SPATA3: variants seen among roughly 807,000 people sequenced by gnomAD.
SPATA3 encodes spermatogenesis-associated protein 3.
A neutral mutation model predicts 5.7 loss-of-function variants in SPATA3; 6 were observed. The observed-to-expected ratio is 1.06, with a 90% CI of 0.58 to 2.09. SPATA3 has a LOEUF of 2.09. SPATA3 is among the 30% of genes most tolerant of loss of function. The pLI is 0.00. For synonymous variants in SPATA3, 44 were observed against 48.4 expected, an observed-to-expected ratio of 0.91 and a Z score of 0.37; for missense variants, 155 against 130.4, an observed-to-expected ratio of 1.19 and a Z score of -0.92.
chr2:230,996,800 C>T (rs1169600870), intron 1 of SPATA3, among the ~76,000 whole-genome samples: 2 of 152,136 alleles, frequency 1.3e-5, no homozygotes, highest in Admixed American at 6.5e-5. Context: ...TACTTGCTCA[C>T]TAGGAATCAG....
intron 6 of SPATA3, among the ~76,000 whole-genome samples, chr2:231,017,938 TC>T (rs66518730): frequency 0.28 from 42,156 of 150,658 alleles, 5,963 homozygotes; most frequent in Admixed American, 0.35. Context: ...TTTTTTTTTT[TC>T]TTTTAGACAG....
At chr2:231,019,546 G>C (rs111345654) in intron 6 of SPATA3, among the ~76,000 whole-genome samples, 1,577 of 150,306 alleles carry the variant, frequency 0.01, 66 homozygotes, top group Middle Eastern at 0.02. Context: ...GGATGGTCTC[G>C]ATCTCCTGAC....
At chr2:231,000,627 T>A in intron 2 of SPATA3, 90 bp downstream of exon 2, 1 of 1,228,768 alleles carries the variant, frequency 8.1e-7, no homozygotes, top group Non-Finnish European at 1.1e-6. Flanking sequence ...ATGTATCACT[T>A]CCTCTTGGGA....
chr2:231,013,365 A>G (rs2125122502), intron 5 of SPATA3, among the ~76,000 whole-genome samples: 1 of 152,310 alleles, frequency 6.6e-6, no homozygotes. Flanking sequence ...CCTAAATCAT[A>G]TTTCTATACA....
intron 1 of SPATA3, among the ~76,000 whole-genome samples, chr2:230,997,419 G>C (rs1692169164): frequency 6.6e-6 from 1 of 152,174 alleles, no homozygotes; most frequent in Admixed American, 6.5e-5. Flanking sequence ...TCTCAGATAT[G>C]TCTTTATCAG....
At chr2:231,008,947 G>T (rs114278547), downstream of SPATA3, among the ~76,000 whole-genome samples, 48,663 of 151,566 alleles carry the variant, frequency 0.32, 7,969 homozygotes, top group Non-Finnish European at 0.36. Flanking sequence ...AGGGTGAGCC[G>T]GCCTGTCTCC....
downstream of SPATA3, among the ~76,000 whole-genome samples, chr2:231,006,131 G>A (rs1692615856): frequency 6.6e-6 from 1 of 151,346 alleles, no homozygotes; most frequent in African/African-American, 2.4e-5. Flanking sequence ...GCAGTTGGAG[G>A]TTGCAATGAG....
chr2:231,009,830 G>A (rs1256625176), downstream of SPATA3, among the ~76,000 whole-genome samples: 4 of 152,328 alleles, frequency 2.6e-5, no homozygotes, highest in Admixed American at 1.3e-4. Flanking sequence ...TGTCACCCTC[G>A]GGAGCACTTT....
At chr2:230,998,524 C>T (rs1043870205) in intron 1 of SPATA3, among the ~76,000 whole-genome samples, 3 of 152,174 alleles carry the variant, frequency 2.0e-5, no homozygotes, top group Non-Finnish European at 2.9e-5. Flanking sequence ...GGTGGTGGCT[C>T]GCCAGTGGTT....
chr2:231,001,781 G>A (rs1268695572), intron 2 of SPATA3, among the ~76,000 whole-genome samples: 2 of 152,210 alleles, frequency 1.3e-5, no homozygotes, highest in Admixed American at 6.5e-5. Flanking sequence ...CAGTCGACAT[G>A]GAGAGCTAAG....
At chr2:231,001,397 C>T (rs1692347818) in intron 2 of SPATA3, among the ~76,000 whole-genome samples, 1 of 152,168 alleles carries the variant, frequency 6.6e-6, no homozygotes, top group African/African-American at 2.4e-5. Context: ...CTGAGGCCCC[C>T]CAACCCCCAT....
chr2:231,000,662 C>G (rs879343063), intron 2 of SPATA3, 125 bp downstream of exon 2: 5 of 1,084,076 alleles, frequency 4.6e-6, no homozygotes, highest in Non-Finnish European at 6.1e-6. Flanking sequence ...GAAAGCCTTT[C>G]TTTCCCTCTT....
chr2:230,996,298 C>T, intron 1 of SPATA3: 1 of 1,551,684 alleles, frequency 6.4e-7, no homozygotes, highest in Non-Finnish European at 8.7e-7. Context: ...TCCCAGCATG[C>T]TAGCTCCAAT....
intron 6 of SPATA3, among the ~76,000 whole-genome samples, chr2:231,015,208 G>T (rs948661397): frequency 2.0e-5 from 3 of 151,850 alleles, no homozygotes; most frequent in African/African-American, 4.8e-5. Context: ...CACCTGAGTG[G>T]CTGGGACTAT....
downstream of SPATA3, chr2:231,006,628 A>ATCC (rs1692635492): frequency 6.6e-6 from 1 of 152,224 alleles, no homozygotes; most frequent in South Asian, 2.1e-4. Flanking sequence ...GGGGAGGGCG[A>ATCC]TGGAGGTGCA....
downstream of SPATA3, among the ~76,000 whole-genome samples, chr2:231,005,822 T>A (rs1345645846): frequency 6.6e-6 from 1 of 152,162 alleles, no homozygotes; most frequent in Non-Finnish European, 1.5e-5. Context: ...CCCCTAATTT[T>A]ACTGACTTTT....
At chr2:231,015,685 C>T (rs529689298) in intron 6 of SPATA3, among the ~76,000 whole-genome samples, 1 of 152,352 alleles carries the variant, frequency 6.6e-6, no homozygotes, top group African/African-American at 2.4e-5. Context: ...GGCCCCTAGG[C>T]ACCCTCGGCC....
intron 6 of SPATA3, among the ~76,000 whole-genome samples, chr2:231,018,963 C>CTT (rs1693002265): frequency 2.4e-5 from 2 of 83,398 alleles, no homozygotes; most frequent in Non-Finnish European, 4.7e-5. Context: ...CCTGATTTTT[C>CTT]TTTTTCTTTT....
intron 1 of SPATA3, chr2:230,996,335 A>G (rs1361772954): frequency 5.2e-5 from 18 of 344,372 alleles, no homozygotes; most frequent in Admixed American, 1.4e-4. Flanking sequence ...CTAGCCCTGA[A>G]TCCACACCAC....
Sources: allele counts gnomAD v4.1 joint callset (sites outside exome capture counted in the v4.1 genomes callset), GRCh38; gene constraint gnomAD v4.1.1; transcripts MANE v1.5; gene names NCBI Gene and HGNC (gene_info 2026-07-23, HGNC 2026-07-21).